FAS: variants seen among roughly 807,000 people sequenced by gnomAD.
FAS encodes tumor necrosis factor receptor superfamily member 6.
In FAS, 5 loss-of-function variants were observed where a neutral mutation model predicts 33.2. The observed-to-expected ratio is 0.15, with a 90% CI of 0.08 to 0.32. The LOEUF (loss-of-function observed/expected upper bound fraction) is 0.32, where lower values mean the gene tolerates loss of function less well. FAS is among the 10% of genes least tolerant of loss of function. The pLI, the probability that FAS is intolerant of heterozygous loss-of-function variation, is 1.00. For missense variants in FAS, 339 were observed against 386.0 expected (o/e 0.88, Z 1.02); for synonymous variants, 131 against 130.7 (o/e 1.00, Z -0.01).
intron 2 of FAS, among the ~76,000 whole-genome samples, chr10:88,981,366 G>T (rs1424147136): frequency 1.4e-5 from 2 of 143,800 alleles, no homozygotes; most frequent in Non-Finnish European, 3.0e-5. Context: ...TTAACCATCG[G>T]GTTAAGAGAG....
chr10:89,011,254 T>C lies in FAS; in HGVS notation c.568+439T>C, dbSNP rs546073526. Among the ~76,000 whole-genome samples, 9 of 152,306 alleles carry C rather than the reference T, an allele frequency of 5.9e-5. No individual in the cohort carries two copies. The East Asian group carries it at 1.5e-3, about 26-fold the overall frequency. ...CTTGTTTTTAATTATTTCTCCTTCT[T>C]AACTTAAAATACTATGGGGACACAT... On this transcript the variant is annotated intron_variant, in intron 6 of 8. Coordinates refer to ENST00000652046, the MANE Select transcript of FAS (RefSeq NM_000043.6).
intron 1 of FAS, among the ~76,000 whole-genome samples, chr10:88,997,078 C>G (rs1256411674): frequency 2.0e-5 from 3 of 152,172 alleles, no homozygotes; most frequent in African/African-American, 7.2e-5. Context: ...AACACAGATG[C>G]CATTAGTCTA....
chr10:88,983,753 A>G (rs569778432), upstream of FAS, among the ~76,000 whole-genome samples: 2 of 152,056 alleles, frequency 1.3e-5, no homozygotes, highest in Non-Finnish European at 2.9e-5. Context: ...ATTCCTTTCA[A>G]CATATTTGTG....
At position 89,014,319 on chromosome 10, in the gene FAS, A is replaced by G. The variant is rs754300614; in HGVS notation, c.877A>G (p.Thr293Ala). 1.2e-6 allele frequency: 2 copies of G among 1,613,976 alleles called. No individual in the cohort carries two copies. The highest frequency in any genetic ancestry group is 1.1e-5 in the South Asian group (1 of 91,084). Residue 293 changes from threonine to alanine, a missense_variant, in exon 9 of 9, where the codon ACA becomes GCA. Transcript: ENST00000652046. ...TCATGGAAAGAAAGAAGCGTATGAC[A>G]CATTGATTAAAGATCTCAAAAAAGC... ...QLHGKKEAYD[T>A]LIKDLKKANL...
At chr10:88,991,180 C>T in intron 1 of FAS, 4 of 578,210 alleles carry the variant, frequency 6.9e-6, no homozygotes, top group South Asian at 4.0e-5. Context: ...GCAGCTCCGG[C>T]GCTCCTCGGA....
chr10:88,988,778 G>T (rs1259436362), upstream of FAS, among the ~76,000 whole-genome samples: 2 of 152,180 alleles, frequency 1.3e-5, no homozygotes, highest in East Asian at 3.8e-4. Flanking sequence ...CAAAGGCAAA[G>T]AAGTTTGGGG....
chr10:89,007,724 C>T lies in FAS; in HGVS notation c.221C>T (p.Thr74Ile), dbSNP rs781281918. The T allele has an allele frequency of 3.1e-6, 5 of 1,613,864 alleles. No individual in the cohort carries two copies. The East Asian group carries it at 6.7e-5, about 22-fold the overall frequency. Residue 74 changes from threonine to isoleucine, a missense_variant, in exon 3 of 9, where the codon ACA becomes ATA. This residue lies in a region of FAS where 276 missense variants were observed against 300.1 expected (regional missense o/e 0.92). Transcript: ENST00000652046. The stretch of plus-strand genomic sequence containing the variant: ...GGTGAAAGGAAAGCTAGGGACTGCA[C>T]AGTCAATGGGGATGAACCAGACTGC... ...PPGERKARDC[T>I]VNGDEPDCVP...
In FAS at chr10:89,007,720, T is replaced by A; in HGVS notation, c.217T>A (p.Cys73Ser). ...GGCAGGTGAAAGGAAAGCTAGGGAC[T>A]GCACAGTCAATGGGGATGAACCAGA... is the stretch of plus-strand genomic sequence containing the variant. ...CPPGERKARD[C>S]TVNGDEPDCV... Residue 73 changes from cysteine to serine, a missense_variant, in exon 3 of 9, where the codon TGC becomes AGC. Physicochemically the swap from Cys to Ser is moderately radical, Grantham distance 112. Transcript: ENST00000652046. 1.9e-6 allele frequency: 3 copies of A among 1,613,964 alleles called. No homozygotes were observed. The highest frequency in any genetic ancestry group is 2.5e-6 in the Non-Finnish European group (3 of 1,179,924).
chr10:88,999,278 TG>T (rs1847797378), intron 1 of FAS, among the ~76,000 whole-genome samples: 1 of 152,058 alleles, frequency 6.6e-6, no homozygotes, highest in Non-Finnish European at 1.5e-5. Flanking sequence ...AGGAATGGGG[TG>T]GGGAGCACTC....
intron 1 of FAS, among the ~76,000 whole-genome samples, chr10:88,968,656 A>G (rs562574944): frequency 6.6e-6 from 1 of 152,278 alleles, no homozygotes; most frequent in East Asian, 1.9e-4. Flanking sequence ...GAGAACCTTG[A>G]CTTTATAAGG....
chr10:89,003,354 TTATTTA>T (rs1179732512), intron 2 of FAS, among the ~76,000 whole-genome samples, 160 bp downstream of exon 2: 3 of 152,246 alleles, frequency 2.0e-5, no homozygotes, highest in African/African-American at 7.2e-5. Context: ...AAGATGAGTT[TTATTTA>T]TATTTATCAC....
intron 2 of FAS, among the ~76,000 whole-genome samples, chr10:88,976,096 G>A (rs1589420371): frequency 6.6e-6 from 1 of 152,140 alleles, no homozygotes; most frequent in African/African-American, 2.4e-5. Flanking sequence ...AATATAATGT[G>A]TAATACAGGG....
chr10:88,989,600 A>G (rs769346927), upstream of FAS: 6 of 537,862 alleles, frequency 1.1e-5, no homozygotes, highest in Non-Finnish European at 3.7e-6. Context: ...TGACAGATGC[A>G]AAACACAGGG....
chr10:88,986,671 G>A (rs374839912), upstream of FAS, among the ~76,000 whole-genome samples: 7 of 64,892 alleles, frequency 1.1e-4, no homozygotes, highest in East Asian at 1.4e-3. Flanking sequence ...ATACAGGAAG[G>A]AAGTAGTGCA....
At chr10:89,006,173 A>G (rs1848218292) in intron 2 of FAS, among the ~76,000 whole-genome samples, 1 of 152,242 alleles carries the variant, frequency 6.6e-6, no homozygotes, top group South Asian at 2.1e-4. Flanking sequence ...AAGATAATTC[A>G]TTAAAGAGAC....
intron 1 of FAS, among the ~76,000 whole-genome samples, chr10:88,967,583 C>T (rs1044885571): frequency 4.6e-5 from 7 of 152,274 alleles, no homozygotes; most frequent in African/African-American, 1.7e-4. Context: ...TTACCTGCAA[C>T]GCAGCTTGGC....
rs180954587 is a variant in FAS at position 88,993,528 on chromosome 10, G to A, written c.30+2622G>A. 8.0e-3 allele frequency among the ~76,000 whole-genome samples: 1,218 copies of A among 152,204 alleles called. 10 individuals are homozygous for A. The highest frequency in any genetic ancestry group is 0.028 in the African/African-American group (1,152 of 41,518). On this transcript the variant is annotated intron_variant, in intron 1 of 8. Coordinates refer to ENST00000652046, the MANE Select transcript of FAS (RefSeq NM_000043.6). Reference sequence around the variant, plus strand: ...TTAGGACATTGGCCAGGCAATCACTGGACAGCCAGTTTGCTCTCCTTTACA... The same window carrying A: ...TTAGGACATTGGCCAGGCAATCACTAGACAGCCAGTTTGCTCTCCTTTACA...
Position 89,010,543 on chromosome 10 carries a change from G to A in FAS, c.448G>A (p.Glu150Lys), listed in dbSNP as rs764888179. 1.2e-6 allele frequency: 2 copies of A among 1,612,850 alleles called. No homozygotes were observed. The highest frequency in any genetic ancestry group is 1.7e-6 in the Non-Finnish European group (2 of 1,179,238). ...CEHCDPCTKC[E>K]HGIIKECTLT... ...CTCCTGTATTTTTTTTTCTAGATGT[G>A]AACATGGAATCATCAAGGAATGCAC... The change falls in exon 5 of 9, where the codon GAA becomes AAA. Residue 150 changes from glutamate (E) to lysine (K), a missense_variant. Around this residue, in one of 3 missense-constraint regions of FAS, gnomAD observed 276 missense variants for 300.1 expected, o/e 0.92. Transcript: ENST00000652046.
At position 88,976,391 on chromosome 10, in the gene FAS, CTATT is replaced by C. The variant is rs1467712112; in HGVS notation, n.260+3047_260+3050del. ...AAATGCCAGAGTAAACAAGGGGAAA[CTATT>C]TAGTCTCTAACAAAAGGATTGATAG... On this transcript the variant is annotated intron_variant and non_coding_transcript_variant, in intron 2 of 3. Transcript: ENST00000688239. 4.6e-5 allele frequency among the ~76,000 whole-genome samples: 7 copies of C among 152,290 alleles called. No individual in the cohort carries two copies. The Middle Eastern group carries it at 0.014, about 296-fold the overall frequency.
Sources: allele counts gnomAD v4.1 joint callset (sites outside exome capture counted in the v4.1 genomes callset), GRCh38; gene constraint gnomAD v4.1.1; regional missense constraint gnomAD v4.1.1; transcripts MANE v1.5; gene names NCBI Gene and HGNC (gene_info 2026-07-23, HGNC 2026-07-21).